Variants in ELAPOR1 observed in about 807,000 individuals in gnomAD.
The protein encoded by ELAPOR1 is endosome/lysosome-associated apoptosis and autophagy regulator 1.
Under a neutral mutation model 119.7 loss-of-function variants are expected in ELAPOR1, and 77 were observed. That is an observed-to-expected ratio of 0.64 (90% confidence interval 0.54 to 0.78). ELAPOR1 has a LOEUF of 0.78. ELAPOR1 is among the 30% of genes least tolerant of loss of function. The probability of loss-of-function intolerance (pLI) is 0.00; values close to 1 mark genes in which losing one functional copy is unlikely to be tolerated. For missense variants in ELAPOR1, 1,115 were observed against 1,270.4 expected (o/e 0.88, Z 1.86); for synonymous variants, 481 against 487.2 (o/e 0.99, Z 0.17).
intron 1 of ELAPOR1, among the ~76,000 whole-genome samples, chr1:109,132,416 G>T (rs938400974): frequency 2.0e-5 from 3 of 152,162 alleles, no homozygotes; most frequent in African/African-American, 7.2e-5. Context: ...AAAGTGCTGG[G>T]ACTACAGCTG....
chr1:109,181,851 G>T (rs1397692103), intron 7 of ELAPOR1, among the ~76,000 whole-genome samples: 6 of 152,116 alleles, frequency 3.9e-5, no homozygotes, highest in Non-Finnish European at 8.8e-5. Context: ...AAGAGGTATG[G>T]AGATGTGCAG....
chr1:109,172,712 C>T, intron 5 of ELAPOR1, 144 bp downstream of exon 5: 1 of 652,322 alleles, frequency 1.5e-6, no homozygotes. Context: ...GCTGTAGTTA[C>T]TGTCCTCTAG....
chr1:109,197,909 A>T (rs1245178714), intron 16 of ELAPOR1, 70 bp from the exon 17 acceptor site: 2 of 1,298,772 alleles, frequency 1.5e-6, no homozygotes, highest in African/African-American at 2.9e-5. Flanking sequence ...GTTGACAGGT[A>T]TTGGAAGAAT....
intron 8 of ELAPOR1, chr1:109,187,162 TTG>T (rs1005500589): frequency 5.1e-6 from 5 of 985,356 alleles, no homozygotes; most frequent in Admixed American, 6.1e-5. Flanking sequence ...TGTGCCTCAG[TTG>T]TTTCTCAGGG....
At chr1:109,194,059 AC>A (rs994742161) in intron 14 of ELAPOR1, among the ~76,000 whole-genome samples, 2 of 152,142 alleles carry the variant, frequency 1.3e-5, no homozygotes, top group South Asian at 2.1e-4. Context: ...CATCTCAGAT[AC>A]CCTTTTCTGG....
At chr1:109,127,920 C>T (rs1648897003) in intron 1 of ELAPOR1, among the ~76,000 whole-genome samples, 1 of 151,056 alleles carries the variant, frequency 6.6e-6, no homozygotes, top group Non-Finnish European at 1.5e-5. Context: ...TGTCACCAGG[C>T]TAACGTGCAG....
chr1:109,120,191 A>G (rs1648303966), intron 1 of ELAPOR1, among the ~76,000 whole-genome samples: 1 of 152,118 alleles, frequency 6.6e-6, no homozygotes, highest in African/African-American at 2.4e-5. Context: ...TGAGGCCAGG[A>G]GTTCAAGACC....
intron 1 of ELAPOR1, among the ~76,000 whole-genome samples, chr1:109,147,627 G>A (rs1012490261): frequency 1.3e-5 from 2 of 152,004 alleles, no homozygotes; most frequent in African/African-American, 4.8e-5. Flanking sequence ...ATAATGATGT[G>A]TTAATGTAGG....
At chr1:109,201,032 C>T (rs1654143730) in intron 21 of ELAPOR1, 132 bp downstream of exon 21, 2 of 862,914 alleles carry the variant, frequency 2.3e-6, no homozygotes, top group Admixed American at 5.8e-5. Flanking sequence ...ATTCCATTTC[C>T]CCACTCTGAA....
chr1:109,187,010 G>A (rs773285709), intron 8 of ELAPOR1: 183 of 985,478 alleles, frequency 1.9e-4, no homozygotes, highest in Non-Finnish European at 2.1e-4. Flanking sequence ...TTCCCCAGCT[G>A]TTCCTTGCAG....
chr1:109,132,226 C>A (rs1023886566), intron 1 of ELAPOR1, among the ~76,000 whole-genome samples: 2 of 152,054 alleles, frequency 1.3e-5, no homozygotes, highest in Non-Finnish European at 2.9e-5. Context: ...CAGCTCACTG[C>A]AACCTCCGCC....
In ELAPOR1 at chr1:109,191,874, C is replaced by T; in HGVS notation, c.1683+11C>T. The T allele has an allele frequency of 6.2e-7, 1 of 1,614,002 alleles. No homozygotes were observed. Among genetic ancestry groups the T allele is most frequent in the Non-Finnish European group, 8.5e-7 (1 of 1,179,906 alleles). ...ACTTTTCATGAGGCAGTAAGTTCCTCCCCTTCCTCAGACCCCCAGGAGAGA... is the reference window on the plus strand; with the variant it reads ...ACTTTTCATGAGGCAGTAAGTTCCTTCCCTTCCTCAGACCCCCAGGAGAGA... On this transcript the variant is annotated intron_variant, in intron 13 of 21. Coordinates refer to ENST00000369939, the MANE Select transcript of ELAPOR1 (RefSeq NM_020775.5).
rs753101686 is a variant in ELAPOR1, at chr1:109,202,883, T to A, written c.2974-61T>A. 1.2e-5 allele frequency: 18 copies of A among 1,523,478 alleles called. No individual in the cohort carries two copies. The African/African-American group carries it at 2.2e-4, about 19-fold the overall frequency. The allele number at this position is 1,523,478 out of a possible 1,614,324, so 94.4% of individuals were successfully genotyped here. On this transcript the variant is annotated intron_variant, in intron 21 of 21. Transcript: ENST00000369939. ...TTCTGTCACCTATTTTCCATTTCTC[T>A]CCTTTGTCCCCAAACTTGCCCCTGT... is the stretch of plus-strand genomic sequence containing the variant.
intron 7 of ELAPOR1, among the ~76,000 whole-genome samples, chr1:109,177,342 G>C (rs1358382109): frequency 1.4e-4 from 17 of 125,862 alleles, no homozygotes; most frequent in Admixed American, 4.6e-4. Flanking sequence ...TTCTCAGACC[G>C]GGCGGCTGCC....
At position 109,188,110 on chromosome 1, in the gene ELAPOR1, C is replaced by T. The variant is rs1393192747; in HGVS notation, c.1042-67C>T. On this transcript the variant is annotated intron_variant, in intron 8 of 21. Transcript: ENST00000369939. Reference sequence around the variant, plus strand: ...GATCTCTGCCCCCAGCCCCTATCCTCAAGGTAGAGTCCCAAAGATGTCCTA... The same window carrying T: ...GATCTCTGCCCCCAGCCCCTATCCTTAAGGTAGAGTCCCAAAGATGTCCTA... 7.2e-6 allele frequency: 11 copies of T among 1,536,834 alleles called. No homozygotes were observed. In the East Asian group the frequency reaches 1.4e-4, roughly 19 times the overall value.
intron 15 of ELAPOR1, among the ~76,000 whole-genome samples, chr1:109,197,139 GA>G (rs35880289): frequency 0.5 from 65,667 of 132,632 alleles, 16,435 homozygotes; most frequent in Non-Finnish European, 0.6. Flanking sequence ...CTATCTTTAC[GA>G]AAAAAAAAAA....
chr1:109,173,109 A>G (rs1276033681), intron 5 of ELAPOR1, among the ~76,000 whole-genome samples: 2 of 151,686 alleles, frequency 1.3e-5, no homozygotes, highest in African/African-American at 4.8e-5. Context: ...AAAAAAAAAA[A>G]AAAAAAAAAA....
intron 16 of ELAPOR1, 145 bp from the exon 17 acceptor site, chr1:109,197,834 A>G (rs902911217): frequency 1.0e-6 from 1 of 989,848 alleles, no homozygotes; most frequent in African/African-American, 1.6e-5. Context: ...AGGGACTCTG[A>G]CAAACCCTTG....
At chr1:109,137,579 G>A (rs1398593550) in intron 1 of ELAPOR1, among the ~76,000 whole-genome samples, 2 of 151,756 alleles carry the variant, frequency 1.3e-5, no homozygotes, top group Non-Finnish European at 2.9e-5. Context: ...CCAGGCTGGA[G>A]TGCAATGGTG....
Sources: allele counts gnomAD v4.1 joint callset (sites outside exome capture counted in the v4.1 genomes callset), GRCh38; gene constraint gnomAD v4.1.1; transcripts MANE v1.5; gene names NCBI Gene and HGNC (gene_info 2026-07-23, HGNC 2026-07-21).